The following ONECUT1 variants were observed in gnomAD, a reference collection of about 807,000 sequenced individuals.
ONECUT1 encodes hepatocyte nuclear factor 6.
ONECUT1 carries 12 observed loss-of-function variants against 25.6 expected under a neutral mutation model. The observed-to-expected ratio is 0.47, with a 90% CI of 0.30 to 0.76. The LOEUF is 0.76. Among genes scored for constraint, ONECUT1 ranks in the 30% least tolerant of loss-of-function variants. The probability of loss-of-function intolerance (pLI) is 0.07; values close to 1 mark genes in which losing one functional copy is unlikely to be tolerated. For synonymous variants in ONECUT1, 285 were observed against 270.2 expected (o/e 1.05, Z -0.54); for missense variants, 620 against 651.2 (o/e 0.95, Z 0.52).
intron 1 of ONECUT1, among the ~76,000 whole-genome samples, chr15:52,775,093 G>A (rs1367229400): frequency 3.3e-5 from 5 of 151,884 alleles, no homozygotes; most frequent in Admixed American, 6.6e-5. Context: ...GGGAGGCTGA[G>A]GCAGGAGAAT....
chr15:52,789,120 G>T lies in ONECUT1; in HGVS notation c.765C>A (p.His255Gln). The change falls in exon 1 of 2, where the codon CAC (histidine) becomes CAA (glutamine). Residue 255 changes from histidine to glutamine, a missense_variant. This residue lies in a region of ONECUT1 where 440 missense variants were observed against 404.9 expected (regional missense o/e 1.09). Transcript: ENST00000305901. This position sits in a 1 kb window ranked among gnomAD's most constrained non-coding sequence, Gnocchi z 4.1. ...GTTGCCCGTGGCCCTGGGCGTTCAG[G>T]TGGGCGTGGGGATGGTGCGGAGGAA... Reference protein sequence around the residue: ...NGLPPHHPHAHLNAQGHGQLL... With the variant: ...NGLPPHHPHAQLNAQGHGQLL... The T allele has an allele frequency of 1.9e-6, 3 of 1,601,028 alleles. No individual in the cohort carries two copies. The South Asian group carries it at 3.3e-5, about 18-fold the overall frequency.
At chr15:52,780,163 T>C (rs2083831355) in intron 1 of ONECUT1, among the ~76,000 whole-genome samples, 1 of 152,220 alleles carries the variant, frequency 6.6e-6, no homozygotes. Context: ...TGCTAAAAGC[T>C]TTCTGTGAGG....
intron 1 of ONECUT1, among the ~76,000 whole-genome samples, chr15:52,776,215 CAG>C (rs900267513): frequency 1.3e-5 from 2 of 152,198 alleles, no homozygotes; most frequent in Non-Finnish European, 2.9e-5. Context: ...GTACAGAAGC[CAG>C]AGAGCCCACC....
chr15:52,787,613 G>A (rs2083884783), intron 1 of ONECUT1: 1 of 147,520 alleles, frequency 6.8e-6, no homozygotes. Flanking sequence ...GCGCTGGGCT[G>A]AGATGGAGGT....
At chr15:52,780,629 TC>T (rs1566993153) in intron 1 of ONECUT1, 1 of 1,535,468 alleles carries the variant, frequency 6.5e-7, no homozygotes. Flanking sequence ...CCATCAATAC[TC>T]GAATCGCTTT....
At chr15:52,780,723 A>T (rs2083835639) in intron 1 of ONECUT1, 5 of 1,504,030 alleles carry the variant, frequency 3.3e-6, no homozygotes, top group African/African-American at 2.8e-5. Context: ...TCGTTTGTTT[A>T]TTTAATTTTC....
rs149371557 is a variant in ONECUT1 at position 52,789,088 on chromosome 15, C to A, written c.797G>T (p.Gly266Val). The A allele has an allele frequency of 2.9e-5, 46 of 1,601,748 alleles. No homozygotes were observed. Among genetic ancestry groups the A allele is most frequent in the Middle Eastern group, 1.6e-4 (1 of 6,082 alleles). ...CGAAGGGTTGGGCTCCCGGGCTGTG[C>A]CCAGGAGTTGCCCGTGGCCCTGGGC... Reference protein sequence around the residue: ...LNAQGHGQLLGTAREPNPSVT... With the variant: ...LNAQGHGQLLVTAREPNPSVT... The change falls in exon 1 of 2, where the codon GGC (glycine) becomes GTC (valine). Residue 266 changes from glycine (G) to valine (V), a missense_variant. Coordinates refer to ENST00000305901, the MANE Select transcript of ONECUT1 (RefSeq NM_004498.4). The surrounding 1 kb of genome is among the most constrained non-coding windows in gnomAD (Gnocchi z 4.1).
chr15:52,758,685 T>G (rs2083688168), intron 1 of ONECUT1, among the ~76,000 whole-genome samples: 1 of 152,210 alleles, frequency 6.6e-6, no homozygotes. Context: ...CTTGCATGTC[T>G]GGTCCTGTAT....
intron 1 of ONECUT1, among the ~76,000 whole-genome samples, chr15:52,766,666 GC>G (rs2083736162): frequency 6.6e-6 from 1 of 152,258 alleles, no homozygotes; most frequent in African/African-American, 2.4e-5. Context: ...ATGCAGGGGA[GC>G]ATGGGATAGT....
At chr15:52,774,288 G>GTTAGTTATTTATTTATTTATTTATTTAT (rs1555415875) in intron 1 of ONECUT1, among the ~76,000 whole-genome samples, 25 of 150,004 alleles carry the variant, frequency 1.7e-4, no homozygotes, top group African/African-American at 5.9e-4. Flanking sequence ...AAGAAATGAA[G>GTTAGTTATTTATTTATTTATTTATTTAT]TTATTTATTT....
In ONECUT1 at chr15:52,755,407, G is replaced by A. The variant is rs1299773082; in HGVS notation, c.*2148C>T. ...ACTATAATTGTGCCATATTTAGAAG[G>A]GAAATTTTTAAGCTGGAGTTGTGGG... On this transcript the variant is annotated 3_prime_UTR_variant, in exon 2 of 2. Transcript: ENST00000305901. Among the ~76,000 whole-genome samples the A allele has an allele frequency of 6.6e-6, 1 of 152,072 alleles. No individual in the cohort carries two copies. Among genetic ancestry groups the A allele is most frequent in the Non-Finnish European group, 1.5e-5 (1 of 68,010 alleles).
chr15:52,759,691 G>A (rs1380645181), intron 1 of ONECUT1, among the ~76,000 whole-genome samples: 11 of 152,060 alleles, frequency 7.2e-5, no homozygotes, highest in African/African-American at 2.4e-4. Context: ...CTCTGCCTCC[G>A]TGGGCTCAAG....
intron 1 of ONECUT1, chr15:52,787,125 G>C (rs1218460887): frequency 1.3e-5 from 2 of 152,294 alleles, no homozygotes; most frequent in African/African-American, 4.8e-5. Flanking sequence ...GGTAGCACAA[G>C]AGCTAGAGAG....
chr15:52,785,492 C>T (rs1277250090), intron 1 of ONECUT1, among the ~76,000 whole-genome samples: 7 of 152,228 alleles, frequency 4.6e-5, no homozygotes, highest in Non-Finnish European at 8.8e-5. Flanking sequence ...CCAACACCCA[C>T]CCCCGCCCGA....
rs748526653 is a variant in ONECUT1 at position 52,757,865 on chromosome 15, AGAT to A, written c.1106-21_1106-19del. The stretch of plus-strand genomic sequence containing the variant: ...TTTGCATGCTGTGAAGAAACACAGA[AGAT>A]GTTAGAACAAATGGTCTAGGGGAGA... On this transcript the variant is annotated intron_variant, in intron 1 of 1. Coordinates refer to ENST00000305901, the MANE Select transcript of ONECUT1 (RefSeq NM_004498.4). 1 of 1,608,036 alleles carries A rather than the reference AGAT, an allele frequency of 6.2e-7. No homozygotes were observed. The highest frequency in any genetic ancestry group is 8.5e-7 in the Non-Finnish European group (1 of 1,176,738).
chr15:52,757,520 C>T lies in ONECUT1; in HGVS notation c.*35G>A. ...TTTAAAAATTTTTTTTAATTTAAAG[C>T]TTTTCCACCGAGGTTTTAGTTTGTG... On this transcript the variant is annotated 3_prime_UTR_variant, in exon 2 of 2. Transcript: ENST00000305901. 6.4e-7 allele frequency: 1 copy of T among 1,564,232 alleles called. No individual in the cohort carries two copies. Among genetic ancestry groups the T allele is most frequent in the South Asian group, 1.2e-5 (1 of 82,354 alleles).
chr15:52,786,877 G>T (rs1263146634), intron 1 of ONECUT1: 1 of 152,394 alleles, frequency 6.6e-6, no homozygotes, highest in Non-Finnish European at 1.5e-5. Flanking sequence ...TTCCCGGAGG[G>T]GTAGCCTTCT....
intron 1 of ONECUT1, among the ~76,000 whole-genome samples, chr15:52,769,491 T>G (rs568491916): frequency 6.6e-6 from 1 of 152,318 alleles, no homozygotes; most frequent in African/African-American, 2.4e-5. Flanking sequence ...TCTGAAATGT[T>G]ATATCAGAAA....
chr15:52,775,746 G>A (rs1027601073), intron 1 of ONECUT1, among the ~76,000 whole-genome samples: 3 of 152,066 alleles, frequency 2.0e-5, no homozygotes, highest in Non-Finnish European at 2.9e-5. Context: ...TAACTAGATC[G>A]GAGGAAAGTA....
Sources: allele counts gnomAD v4.1 joint callset (sites outside exome capture counted in the v4.1 genomes callset), GRCh38; gene constraint gnomAD v4.1.1; regional missense constraint gnomAD v4.1.1; non-coding constraint Gnocchi (gnomAD v3.1); transcripts MANE v1.5; gene names NCBI Gene and HGNC (gene_info 2026-07-23, HGNC 2026-07-21).